Variants in ITPR1 observed in about 807,000 individuals in gnomAD.
ITPR1 encodes the protein inositol 1,4,5-trisphosphate receptor type 1.
Under a neutral mutation model 318.4 loss-of-function variants are expected in ITPR1, and 96 were observed. The ratio of observed to expected loss-of-function variants is 0.30; its 90% CI spans 0.26 to 0.36. The LOEUF (loss-of-function observed/expected upper bound fraction) is 0.36. Among genes scored for constraint, ITPR1 ranks in the 10% least tolerant of loss-of-function variants. ITPR1 has a pLI of 1.00. For missense variants in ITPR1, 2,440 were observed against 3,460.2 expected (o/e 0.71, Z 7.40); for synonymous variants, 1,312 against 1,289.9 (o/e 1.02, Z -0.37).
At chr3:4,696,115 A>C (rs1047454447) in intron 33 of ITPR1, among the ~76,000 whole-genome samples, 6 of 152,150 alleles carry the variant, frequency 3.9e-5, no homozygotes, top group African/African-American at 1.4e-4. Flanking sequence ...TAGAAGCTTC[A>C]TGGAGATGTT....
intron 2 of ITPR1, 89 bp downstream of exon 2, chr3:4,494,595 G>A (rs1216403573): frequency 6.6e-6 from 1 of 152,202 alleles, no homozygotes; most frequent in African/African-American, 2.4e-5. Context: ...AAGGAGGTGG[G>A]GAGTAAGAAA....
intron 4 of ITPR1, among the ~76,000 whole-genome samples, chr3:4,574,182 A>G (rs1037873359): frequency 1.3e-5 from 2 of 151,880 alleles, no homozygotes; most frequent in African/African-American, 4.8e-5. Context: ...TAAGTGGGAA[A>G]GTATAGATGC....
chr3:4,562,677 G>A (rs894411901), intron 4 of ITPR1, among the ~76,000 whole-genome samples: 4 of 151,398 alleles, frequency 2.6e-5, no homozygotes, highest in African/African-American at 9.7e-5. Context: ...TAAACTGCAA[G>A]ACTTTGCACT....
chr3:4,611,777 C>T (rs1257652060), intron 4 of ITPR1, among the ~76,000 whole-genome samples: 4 of 151,918 alleles, frequency 2.6e-5, no homozygotes, highest in Admixed American at 2.6e-4. Flanking sequence ...GCTTTGAATT[C>T]AATGAATACT....
At chr3:4,634,884 A>G (rs930013935) in intron 5 of ITPR1, among the ~76,000 whole-genome samples, 2 of 152,094 alleles carry the variant, frequency 1.3e-5, no homozygotes, top group African/African-American at 4.8e-5. Context: ...GATTACAGGC[A>G]TGCACCACCA....
chr3:4,792,499 G>C (rs2047631826), intron 52 of ITPR1, among the ~76,000 whole-genome samples: 1 of 152,184 alleles, frequency 6.6e-6, no homozygotes, highest in South Asian at 2.1e-4. Flanking sequence ...GTCTCTCATG[G>C]GGTTGTAGCC....
intron 4 of ITPR1, among the ~76,000 whole-genome samples, chr3:4,572,760 C>A (rs947971445): frequency 6.6e-6 from 1 of 152,200 alleles, no homozygotes; most frequent in African/African-American, 2.4e-5. Flanking sequence ...CTCTTCCCAG[C>A]TGCTAGTAAC....
chr3:4,574,249 T>G (rs1300407495), intron 4 of ITPR1, among the ~76,000 whole-genome samples: 1 of 152,036 alleles, frequency 6.6e-6, no homozygotes, highest in Non-Finnish European at 1.5e-5. Flanking sequence ...CAGGGATTGA[T>G]GGGAATTATT....
At chr3:4,830,559 C>T (rs781619840) in intron 60 of ITPR1, among the ~76,000 whole-genome samples, 8 of 152,158 alleles carry the variant, frequency 5.3e-5, no homozygotes, top group Non-Finnish European at 1.2e-4. Flanking sequence ...GCCTCCTCCT[C>T]CTGACATTTT....
rs776622101 is a variant in ITPR1, at chr3:4,645,707, A to G, written c.834A>G (p.Ser278=). 6.2e-7 allele frequency: 1 copy of G among 1,613,326 alleles called. No individual in the cohort carries two copies. The highest frequency in any genetic ancestry group is 8.5e-7 in the Non-Finnish European group (1 of 1,179,756). ...AGTCGGCCACATCTGCCACCAGTTC[A>G]AAAGCCCTGTGGGAGGTGGAGGTAA... is the stretch of plus-strand genomic sequence containing the variant. The part of the protein sequence containing the change: ...GRQSATSATS[S]KALWEVEVVQ... The change falls in exon 10 of 62, where the codon TCA becomes TCG. Residue 278 remains serine (S), a synonymous_variant. Transcript: ENST00000649015.
At chr3:4,795,503 C>T (rs1170541620) in intron 53 of ITPR1, among the ~76,000 whole-genome samples, 1 of 152,210 alleles carries the variant, frequency 6.6e-6, no homozygotes, top group East Asian at 1.9e-4. Flanking sequence ...GTTAAGAAAT[C>T]AGGCCAAAGT....
chr3:4,513,204 T>C (rs2081961154), intron 2 of ITPR1, among the ~76,000 whole-genome samples: 1 of 152,174 alleles, frequency 6.6e-6, no homozygotes, highest in Non-Finnish European at 1.5e-5. Flanking sequence ...GGGCGGACTT[T>C]CCACCTCCAC....
intron 4 of ITPR1, among the ~76,000 whole-genome samples, chr3:4,533,021 C>T (rs889173891): frequency 6.6e-6 from 1 of 152,110 alleles, no homozygotes; most frequent in Non-Finnish European, 1.5e-5. Context: ...TGTGTGTTTT[C>T]CCACCGAAGG....
intron 52 of ITPR1, among the ~76,000 whole-genome samples, chr3:4,791,443 G>C (rs1200985366): frequency 2.0e-5 from 3 of 152,156 alleles, no homozygotes; most frequent in Non-Finnish European, 4.4e-5. Flanking sequence ...CACATGCACA[G>C]TTCACAATAG....
intron 52 of ITPR1, among the ~76,000 whole-genome samples, chr3:4,790,557 G>A (rs79671532): frequency 6.6e-6 from 1 of 152,158 alleles, no homozygotes; most frequent in Non-Finnish European, 1.5e-5. Flanking sequence ...CTTGGGGAGG[G>A]AGAAATGTAC....
intron 4 of ITPR1, among the ~76,000 whole-genome samples, chr3:4,531,779 C>G (rs1458574939): frequency 3.3e-5 from 5 of 152,182 alleles, no homozygotes; most frequent in African/African-American, 9.7e-5. Context: ...AATGCCCACT[C>G]AACCTTCAAA....
At chr3:4,672,151 A>T (rs2094101074) in intron 20 of ITPR1, among the ~76,000 whole-genome samples, 1 of 152,204 alleles carries the variant, frequency 6.6e-6, no homozygotes, top group Non-Finnish European at 1.5e-5. Flanking sequence ...TTTTCTGAGT[A>T]TATGTATGAA....
At chr3:4,573,471 C>A (rs2088255420) in intron 4 of ITPR1, among the ~76,000 whole-genome samples, 1 of 152,202 alleles carries the variant, frequency 6.6e-6, no homozygotes, top group Admixed American at 6.5e-5. Flanking sequence ...CATAGAACAA[C>A]CAGAGTAGTA....
chr3:4,666,017 C>T (rs2125198605), intron 17 of ITPR1, among the ~76,000 whole-genome samples: 1 of 152,256 alleles, frequency 6.6e-6, no homozygotes, highest in Non-Finnish European at 1.5e-5. Context: ...TGCTCTCAAA[C>T]ACCCAGCAGT....
Sources: allele counts gnomAD v4.1 joint callset (sites outside exome capture counted in the v4.1 genomes callset), GRCh38; gene constraint gnomAD v4.1.1; transcripts MANE v1.5; gene names NCBI Gene and HGNC (gene_info 2026-07-23, HGNC 2026-07-21).